The following PCNX1 variants were observed in gnomAD, a reference collection of about 807,000 sequenced individuals.
PCNX1 encodes pecanex 1.
A neutral mutation model predicts 242.2 loss-of-function variants in PCNX1; 78 were observed. The ratio of observed to expected loss-of-function variants is 0.32; its 90% CI spans 0.27 to 0.39. PCNX1 has a LOEUF of 0.39. PCNX1 is among the 10% of genes least tolerant of loss of function. The probability of loss-of-function intolerance (pLI) is 1.00; values close to 1 mark genes in which losing one functional copy is unlikely to be tolerated. For missense variants in PCNX1, 2,581 were observed against 2,856.5 expected (o/e 0.90, Z 2.20); for synonymous variants, 1,024 against 1,032.9 (o/e 0.99, Z 0.17).
chr14:70,926,084 G>T (rs1447720369), intron 1 of PCNX1, among the ~76,000 whole-genome samples: 1 of 152,034 alleles, frequency 6.6e-6, no homozygotes, highest in East Asian at 1.9e-4. Context: ...TCTCCTTCTT[G>T]ACCAACATAT....
At chr14:70,924,545 T>G (rs1442854796) in intron 1 of PCNX1, among the ~76,000 whole-genome samples, 1 of 152,220 alleles carries the variant, frequency 6.6e-6, no homozygotes, top group African/African-American at 2.4e-5. Flanking sequence ...GATTTTAGTT[T>G]ATTAATTTTG....
intron 28 of PCNX1, 103 bp downstream of exon 28, chr14:71,076,522 C>G: frequency 1.4e-6 from 1 of 697,602 alleles, no homozygotes; most frequent in Non-Finnish European, 2.4e-6. Flanking sequence ...AGACCTTCCT[C>G]TTTCTGATCT....
intron 16 of PCNX1, among the ~76,000 whole-genome samples, chr14:71,032,217 A>C (rs981760708): frequency 6.6e-6 from 1 of 152,212 alleles, no homozygotes; most frequent in East Asian, 1.9e-4. Context: ...TTGCTTTATT[A>C]TCACTGTGTA....
chr14:71,108,611 C>T lies in PCNX1; in HGVS notation c.6309C>T (p.Ser2103=). 6.2e-7 allele frequency: 1 copy of T among 1,607,056 alleles called. No homozygotes were observed. Among genetic ancestry groups the T allele is most frequent in the Non-Finnish European group, 8.5e-7 (1 of 1,174,956 alleles). Residue 2103 remains serine (S), a synonymous_variant, in exon 34 of 36, where the codon AGC becomes AGT. Transcript: ENST00000304743. ...TGCTGTTTCTCCTCCTAGGCACTAG[C>T]CACAGCTCTCACTCTGTGCAGTCGG... The part of the protein sequence containing the change: ...VTSYPPTLGT[S]HSSHSVQSGL...
chr14:70,959,352 T>C (rs1595053013), intron 2 of PCNX1, among the ~76,000 whole-genome samples: 1 of 149,402 alleles, frequency 6.7e-6, no homozygotes, highest in South Asian at 2.2e-4. Context: ...TAGCATTAGG[T>C]ATATCTTCTA....
chr14:70,972,177 G>A (rs1268936162), intron 5 of PCNX1, among the ~76,000 whole-genome samples: 3 of 151,794 alleles, frequency 2.0e-5, no homozygotes, highest in African/African-American at 7.3e-5. Context: ...ATAGATGAAG[G>A]CTTTTGAGTT....
chr14:70,970,004 A>ATG (rs2058492765), intron 5 of PCNX1: 5 of 149,436 alleles, frequency 3.3e-5, no homozygotes, highest in Non-Finnish European at 6.0e-5. Context: ...ATACAGGTAC[A>ATG]TATGTATGTA....
intron 1 of PCNX1, among the ~76,000 whole-genome samples, chr14:70,926,754 GAA>G (rs1048400516): frequency 1.3e-5 from 2 of 150,694 alleles, no homozygotes; most frequent in Non-Finnish European, 3.0e-5. Flanking sequence ...ATGCATGTGT[GAA>G]AAAAAAATCT....
intron 2 of PCNX1, among the ~76,000 whole-genome samples, chr14:70,961,024 A>G (rs1047398656): frequency 2.0e-5 from 3 of 152,206 alleles, no homozygotes; most frequent in Admixed American, 2.0e-4. Flanking sequence ...GAGGATACAA[A>G]CAAATGGAAG....
chr14:71,107,879 T>C (rs2062667067), intron 33 of PCNX1, among the ~76,000 whole-genome samples: 1 of 152,266 alleles, frequency 6.6e-6, no homozygotes, highest in Admixed American at 6.5e-5. Context: ...TACAACATCA[T>C]GTTTTGATAT....
intron 7 of PCNX1, among the ~76,000 whole-genome samples, chr14:70,990,434 C>T (rs1192391706): frequency 2.0e-5 from 3 of 151,250 alleles, no homozygotes; most frequent in East Asian, 1.9e-4. Context: ...CCTGGTGGTA[C>T]GCACCTGTAG....
intron 3 of PCNX1, among the ~76,000 whole-genome samples, chr14:70,965,674 A>C (rs2058357530): frequency 6.6e-6 from 1 of 151,664 alleles, no homozygotes; most frequent in African/African-American, 2.4e-5. Context: ...AAAAAAAAAA[A>C]AAAAAAAAGA....
intron 1 of PCNX1, among the ~76,000 whole-genome samples, chr14:70,938,475 A>G (rs563850947): frequency 1.4e-3 from 206 of 152,282 alleles, no homozygotes; most frequent in African/African-American, 4.6e-3. Flanking sequence ...TCCCAGGGAT[A>G]AAGCCCACTT....
intron 3 of PCNX1, among the ~76,000 whole-genome samples, chr14:70,962,574 G>T (rs557260121): frequency 1.3e-5 from 2 of 152,312 alleles, no homozygotes; most frequent in Admixed American, 6.5e-5. Context: ...TATGACAGTT[G>T]TGAATAGCCT....
In PCNX1 at chr14:71,103,461, C is replaced by G. The variant is rs767499142; in HGVS notation, c.5887C>G (p.Arg1963Gly). 1.2e-6 allele frequency: 2 copies of G among 1,614,010 alleles called. No homozygotes were observed. Among genetic ancestry groups the G allele is most frequent in the East Asian group, 2.2e-5 (1 of 44,896 alleles). ...GCAGGAGCTTGTTTTTCTACGTAAC[C>G]GTAACCCAGAGAGAGGTAGCATCCA... ...QQQELVFLRNRNPERGSIQNA... is the reference protein window; with the variant it reads ...QQQELVFLRNGNPERGSIQNA... The change falls in exon 32 of 36, where the codon CGT becomes GGT. Residue 1963 changes from arginine to glycine, a missense_variant. Physicochemically the swap from Arg to Gly is moderately radical, Grantham distance 125. Around this residue, in one of 9 missense-constraint regions of PCNX1, gnomAD observed 298 missense variants for 480.1 expected, o/e 0.62. Coordinates refer to ENST00000304743, the MANE Select transcript of PCNX1 (RefSeq NM_014982.3).
chr14:71,053,173 A>T (rs1177159161), intron 24 of PCNX1: 13 of 418,368 alleles, frequency 3.1e-5, no homozygotes, highest in Non-Finnish European at 6.0e-5. Flanking sequence ...GTTATTAATT[A>T]TTATTCCTCT....
Position 70,978,379 on chromosome 14 carries a change from C to T in PCNX1, c.2042C>T (p.Thr681Ile). Residue 681 changes from threonine to isoleucine, a missense_variant, in exon 6 of 36, where the codon ACA becomes ATA. Coordinates refer to ENST00000304743, the MANE Select transcript of PCNX1 (RefSeq NM_014982.3). ...CGTGCAACACGACGGACTTCTAGCA[C>T]AAATAGTGCCAAGACTCGTGCCCGA... is the stretch of plus-strand genomic sequence containing the variant. ...KKRATRRTSS[T>I]NSAKTRARVL... 1 of 1,614,216 alleles carries T rather than the reference C, an allele frequency of 6.2e-7. No homozygotes were observed.
intron 1 of PCNX1, among the ~76,000 whole-genome samples, chr14:70,928,580 T>C (rs2056674429): frequency 6.6e-6 from 1 of 152,256 alleles, no homozygotes; most frequent in Admixed American, 6.5e-5. Flanking sequence ...GAAATATTAA[T>C]GAAGATAGTT....
chr14:71,048,015 C>A, intron 22 of PCNX1, 31 bp downstream of exon 22: 1 of 1,492,274 alleles, frequency 6.7e-7, no homozygotes. Flanking sequence ...ATATCCTTAT[C>A]TATAAAAACT....
Sources: allele counts gnomAD v4.1 joint callset (sites outside exome capture counted in the v4.1 genomes callset), GRCh38; gene constraint gnomAD v4.1.1; regional missense constraint gnomAD v4.1.1; transcripts MANE v1.5; gene names NCBI Gene and HGNC (gene_info 2026-07-23, HGNC 2026-07-21).